EHBP1: variants seen among roughly 807,000 people sequenced by gnomAD.
EHBP1 encodes the protein EH domain-binding protein 1.
In EHBP1, 55 loss-of-function variants were observed where a neutral mutation model predicts 144.0. That is an observed-to-expected ratio of 0.38 (90% CI 0.31 to 0.48). The LOEUF is 0.48. EHBP1 is among the 20% of genes least tolerant of loss of function. EHBP1 has a pLI of 0.98. For synonymous variants in EHBP1, 469 were observed against 472.7 expected, an observed-to-expected ratio of 0.99 and a Z score of 0.10; for missense variants, 1,200 against 1,364.2, an observed-to-expected ratio of 0.88 and a Z score of 1.90.
chr2:62,739,011 C>T (rs2038424781), intron 2 of EHBP1, among the ~76,000 whole-genome samples: 1 of 152,162 alleles, frequency 6.6e-6, no homozygotes, highest in Admixed American at 6.6e-5. Context: ...TCTATGCATA[C>T]ACATGGACAG....
intron 10 of EHBP1, among the ~76,000 whole-genome samples, chr2:62,893,422 A>G (rs1032055369): frequency 2.1e-4 from 32 of 152,330 alleles, no homozygotes; most frequent in African/African-American, 7.7e-4. Context: ...GCAGTGGGTT[A>G]GTAACACCAG....
chr2:62,814,674 A>G (rs554761604), intron 5 of EHBP1, among the ~76,000 whole-genome samples: 1 of 152,238 alleles, frequency 6.6e-6, no homozygotes, highest in Non-Finnish European at 1.5e-5. Context: ...GGTACTTACT[A>G]TTGGCCTATG....
In EHBP1 at chr2:62,948,345, C is replaced by G; in HGVS notation, c.1499C>G (p.Thr500Ser). 1 of 1,612,710 alleles carries G rather than the reference C, an allele frequency of 6.2e-7. No individual in the cohort carries two copies. ...MVLLAIPDKL[T>S]VMTYLYQIRA... ...TTATTAGCAATTCCTGATAAACTGACTGTTATGACTTATCTCTATCAAATA... is the reference window on the plus strand; with the variant it reads ...TTATTAGCAATTCCTGATAAACTGAGTGTTATGACTTATCTCTATCAAATA... Residue 500 changes from threonine (T) to serine (S), a missense_variant, in exon 13 of 23, where the codon ACT (threonine) becomes AGT (serine). Thr to Ser is a moderately conservative substitution (Grantham distance 58). Transcript: ENST00000431489.
chr2:63,040,142 TTATA>T (rs1020975344), intron 21 of EHBP1, among the ~76,000 whole-genome samples: 1 of 150,104 alleles, frequency 6.7e-6, no homozygotes, highest in African/African-American at 2.4e-5. Flanking sequence ...ACTATTTATA[TTATA>T]TATATATGTA....
chr2:62,763,565 G>A (rs925852934), intron 3 of EHBP1, among the ~76,000 whole-genome samples: 4 of 152,100 alleles, frequency 2.6e-5, no homozygotes, highest in Non-Finnish European at 4.4e-5. Context: ...AGCCAATAGA[G>A]GTGAAGACTT....
At chr2:62,856,308 A>T (rs2049051073) in intron 7 of EHBP1, among the ~76,000 whole-genome samples, 1 of 152,032 alleles carries the variant, frequency 6.6e-6, no homozygotes, top group Admixed American at 6.6e-5. Context: ...CAGGGCTGTG[A>T]CTCCCGCTTT....
chr2:62,825,066 A>G (rs1488051044), intron 5 of EHBP1, among the ~76,000 whole-genome samples: 2 of 152,008 alleles, frequency 1.3e-5, no homozygotes, highest in East Asian at 3.8e-4. Flanking sequence ...CAGCTTGAAA[A>G]TTAAGGTTTA....
At chr2:62,957,657 T>C (rs1224661916) in intron 14 of EHBP1, among the ~76,000 whole-genome samples, 4 of 136,642 alleles carry the variant, frequency 2.9e-5, no homozygotes, top group Non-Finnish European at 4.7e-5. Context: ...TTTTTTTTTT[T>C]TTTTTTGAGA....
intron 14 of EHBP1, among the ~76,000 whole-genome samples, chr2:62,977,870 G>A (rs1397192746): frequency 6.6e-6 from 1 of 152,170 alleles, no homozygotes; most frequent in African/African-American, 2.4e-5. Context: ...AAATGGTTGG[G>A]GGGATAGTCA....
At chr2:62,872,221 G>A (rs1362311) in intron 9 of EHBP1, 125,583 of 152,042 alleles carry the variant, frequency 0.83, 52,301 homozygotes, top group African/African-American at 0.94. Context: ...TATTTTCTAA[G>A]CAATAAATAA....
intron 2 of EHBP1, among the ~76,000 whole-genome samples, chr2:62,707,992 CA>C (rs1359482405): frequency 6.6e-6 from 1 of 151,976 alleles, no homozygotes; most frequent in Non-Finnish European, 1.5e-5. Context: ...GAATGATAAA[CA>C]ACAAAAATTT....
In EHBP1 at chr2:62,889,047, C is replaced by CTTTTTTTTT. The variant is rs71410971; in HGVS notation, c.1185+14541_1185+14549dup. On this transcript the variant is annotated intron_variant, in intron 10 of 22. Coordinates refer to ENST00000431489, the MANE Select transcript of EHBP1 (RefSeq NM_001142616.3). ...TCATAAATTTTGGCAGTAGGTACCT[C>CTTTTTTTTT]TTTTTTTTTTTTTTTTTTTTTTTTT... 7.8e-4 allele frequency among the ~76,000 whole-genome samples: 31 copies of CTTTTTTTTT among 39,728 alleles called. 7 individuals carry two copies. The highest frequency in any genetic ancestry group is 4.0e-3 in the Admixed American group (8 of 2,014). 26.1% of individuals were successfully genotyped at this position (39,728 alleles called of 152,430 possible).
chr2:62,883,389 G>A (rs1172048743), intron 10 of EHBP1, among the ~76,000 whole-genome samples: 2 of 152,152 alleles, frequency 1.3e-5, no homozygotes, highest in East Asian at 1.9e-4. Flanking sequence ...TGATGTTTAT[G>A]GGAAAGACTG....
At position 63,046,272 on chromosome 2, in the gene EHBP1, A is replaced by G. The variant is rs1461225846; in HGVS notation, c.*772A>G. On this transcript the variant is annotated 3_prime_UTR_variant, in exon 23 of 23. Transcript: ENST00000431489. ...ATTTCTTACATCATGCTTGATTCCT[A>G]CATTTTGTTGGGTCTCAACATTGGC... The G allele has an allele frequency of 2.0e-5, 3 of 152,568 alleles. No individual in the cohort carries two copies. The highest frequency in any genetic ancestry group is 4.8e-5 in the African/African-American group (2 of 41,428). 9.5% of individuals were successfully genotyped at this position (152,568 alleles called of 1,614,324 possible).
intron 1 of EHBP1, among the ~76,000 whole-genome samples, chr2:62,697,433 G>A (rs922761845): frequency 6.6e-6 from 1 of 152,180 alleles, no homozygotes; most frequent in Non-Finnish European, 1.5e-5. Context: ...CTGATAATTG[G>A]ATTTTATTGA....
At chr2:62,680,228 A>G (rs1016127665) in intron 1 of EHBP1, among the ~76,000 whole-genome samples, 1 of 152,180 alleles carries the variant, frequency 6.6e-6, no homozygotes, top group Non-Finnish European at 1.5e-5. Context: ...CATGTCTCCC[A>G]TTTGAATGCA....
At chr2:62,761,458 T>G (rs1245171073) in intron 3 of EHBP1, among the ~76,000 whole-genome samples, 1 of 152,138 alleles carries the variant, frequency 6.6e-6, no homozygotes, top group Non-Finnish European at 1.5e-5. Context: ...CTTTTGGCAT[T>G]TTAACTAGTA....
intron 5 of EHBP1, among the ~76,000 whole-genome samples, chr2:62,777,089 C>T (rs888914508): frequency 3.9e-5 from 6 of 152,292 alleles, no homozygotes; most frequent in South Asian, 2.1e-4. Flanking sequence ...ATCGTCCTGC[C>T]TCAGCCTCCC....
intron 2 of EHBP1, chr2:62,726,672 AAGAAT>A (rs2151972401): frequency 6.6e-6 from 1 of 152,340 alleles, no homozygotes; most frequent in Non-Finnish European, 1.5e-5. Flanking sequence ...GAAAGGGGGA[AAGAAT>A]AGAACTAGGA....
Sources: gnomAD v4.1 joint callset for allele counts (sites outside exome capture counted in the v4.1 genomes callset) on GRCh38, gnomAD v4.1.1 for gene constraint, MANE v1.5 for transcripts, NCBI Gene and HGNC (gene_info 2026-07-23, HGNC 2026-07-21) for gene names.